The following UBE2QL1 variants were observed in gnomAD, a reference collection of about 807,000 sequenced individuals.
The protein encoded by UBE2QL1 is ubiquitin-conjugating enzyme E2Q-like protein 1.
Under a neutral mutation model 12.6 loss-of-function variants are expected in UBE2QL1, and 5 were observed. That is an observed-to-expected ratio of 0.40 (90% CI 0.21 to 0.83). The LOEUF (loss-of-function observed/expected upper bound fraction) is 0.83, where lower values mean the gene tolerates loss of function less well. Among genes scored for constraint, UBE2QL1 ranks in the 40% least tolerant of loss-of-function variants. UBE2QL1 has a pLI of 0.37. For synonymous variants in UBE2QL1, 96 were observed against 94.5 expected (o/e 1.02, Z -0.10); for missense variants, 99 against 222.6 (o/e 0.44, Z 3.53).
intron 1 of UBE2QL1, among the ~76,000 whole-genome samples, chr5:6,464,789 G>C (rs907526400): frequency 5.9e-5 from 9 of 152,172 alleles, no homozygotes; most frequent in Admixed American, 5.2e-4. Flanking sequence ...TTTGGACTTA[G>C]AGTGCAGCTA....
chr5:6,450,686 T>C (rs1222817505), intron 1 of UBE2QL1, among the ~76,000 whole-genome samples: 3 of 152,180 alleles, frequency 2.0e-5, no homozygotes, highest in Non-Finnish European at 2.9e-5. Context: ...ACCCCTGGGA[T>C]TCCAAACAAA....
intron 1 of UBE2QL1, among the ~76,000 whole-genome samples, chr5:6,487,900 C>T (rs950446405): frequency 2.0e-5 from 3 of 152,130 alleles, no homozygotes; most frequent in African/African-American, 7.2e-5. Context: ...GTGCAGTGGG[C>T]ACAGCAAGGG....
At chr5:6,457,139 T>C (rs1392540755) in intron 1 of UBE2QL1, among the ~76,000 whole-genome samples, 2 of 151,734 alleles carry the variant, frequency 1.3e-5, no homozygotes, top group African/African-American at 4.8e-5. Context: ...GAAATAGAGC[T>C]CAAGTTTCCC....
intron 1 of UBE2QL1, among the ~76,000 whole-genome samples, chr5:6,466,276 C>T (rs1189554375): frequency 6.6e-6 from 1 of 152,244 alleles, no homozygotes; most frequent in South Asian, 2.1e-4. Context: ...GCGAACTGCT[C>T]AGCACTCAGG....
chr5:6,464,190 A>G (rs1483659766), intron 1 of UBE2QL1, among the ~76,000 whole-genome samples: 1 of 152,142 alleles, frequency 6.6e-6, no homozygotes, highest in Non-Finnish European at 1.5e-5. Context: ...GTAAACCAAG[A>G]CCTCAGTGAT....
At chr5:6,460,481 G>C (rs2126333249) in intron 1 of UBE2QL1, among the ~76,000 whole-genome samples, 1 of 152,300 alleles carries the variant, frequency 6.6e-6, no homozygotes, top group East Asian at 1.9e-4. Flanking sequence ...GTCCATGACT[G>C]TGTTTTTACA....
chr5:6,463,903 A>G (rs934045271), intron 1 of UBE2QL1, among the ~76,000 whole-genome samples: 4 of 152,156 alleles, frequency 2.6e-5, no homozygotes, highest in Admixed American at 2.6e-4. Flanking sequence ...CTGGGATTAC[A>G]GGCATGAGCC....
At chr5:6,465,118 C>T (rs978716633) in intron 1 of UBE2QL1, among the ~76,000 whole-genome samples, 2 of 151,880 alleles carry the variant, frequency 1.3e-5, no homozygotes, top group Non-Finnish European at 2.9e-5. Context: ...TCCCGAGTAT[C>T]TGGGACCACA....
intron 1 of UBE2QL1, among the ~76,000 whole-genome samples, chr5:6,454,526 G>A (rs1739476774): frequency 6.6e-6 from 1 of 152,168 alleles, no homozygotes; most frequent in Non-Finnish European, 1.5e-5. Flanking sequence ...GGTGAAGGGA[G>A]GAGAAACAAT....
chr5:6,490,289 C>T (rs1734543669), intron 1 of UBE2QL1, among the ~76,000 whole-genome samples: 7 of 152,258 alleles, frequency 4.6e-5, no homozygotes, highest in Admixed American at 4.6e-4. Flanking sequence ...TCCATCTGCT[C>T]CTCCCCTCTG....
chr5:6,477,392 G>A (rs1380647125), intron 1 of UBE2QL1, among the ~76,000 whole-genome samples: 1 of 151,420 alleles, frequency 6.6e-6, no homozygotes, highest in Admixed American at 6.5e-5. Flanking sequence ...GAGGACAGGT[G>A]TGCCCGGAGG....
intron 1 of UBE2QL1, among the ~76,000 whole-genome samples, chr5:6,468,448 A>C (rs115777531): frequency 0.036 from 5,535 of 152,300 alleles, 158 homozygotes; most frequent in South Asian, 0.11. Context: ...GGCAGTGCAG[A>C]CACTCAGGCG....
rs1400589062 is a variant in UBE2QL1, at chr5:6,495,178, T to C, written c.*3829T>C. 1.3e-5 allele frequency among the ~76,000 whole-genome samples: 2 copies of C among 152,122 alleles called. No individual in the cohort carries two copies. Among genetic ancestry groups the C allele is most frequent in the Admixed American group, 6.6e-5 (1 of 15,266 alleles). On this transcript the variant is annotated 3_prime_UTR_variant, in exon 2 of 2. Coordinates refer to ENST00000399816, the MANE Select transcript of UBE2QL1 (RefSeq NM_001145161.3). Reference sequence around the variant, plus strand: ...CCTGAACGGGAGAACTGGAGTCCCCTTGCCACCTCTCACCTGCAGAGTCCC... The same window carrying C: ...CCTGAACGGGAGAACTGGAGTCCCCCTGCCACCTCTCACCTGCAGAGTCCC...
rs1291414969 is a variant in UBE2QL1, at chr5:6,494,561, G to A, written c.*3212G>A. ...TTCCTCAGCTGTGAGCTCCTACCAG[G>A]TCAGTGTGGGAATTGGCCAAAATGA... On this transcript the variant is annotated 3_prime_UTR_variant, in exon 2 of 2. Coordinates refer to ENST00000399816, the MANE Select transcript of UBE2QL1 (RefSeq NM_001145161.3). 3 of 152,178 alleles carry A rather than the reference G, an allele frequency of 2.0e-5. No individual in the cohort carries two copies. Among genetic ancestry groups the A allele is most frequent in the Non-Finnish European group, 4.4e-5 (3 of 68,032 alleles). 9.4% of individuals were successfully genotyped at this position (152,178 alleles called of 1,614,324 possible).
intron 1 of UBE2QL1, among the ~76,000 whole-genome samples, chr5:6,490,910 C>T (rs911030301): frequency 6.6e-5 from 10 of 152,124 alleles, no homozygotes; most frequent in Non-Finnish European, 8.8e-5. Flanking sequence ...GGAACTGGGG[C>T]AGAGATTTCT....
chr5:6,457,383 C>T (rs1299261972), intron 1 of UBE2QL1, among the ~76,000 whole-genome samples: 1 of 152,102 alleles, frequency 6.6e-6, no homozygotes, highest in Non-Finnish European at 1.5e-5. Context: ...GGAAGCTCGG[C>T]ATTGTTTAGA....
Position 6,449,253 on chromosome 5 carries a change from G to A in UBE2QL1, c.354+6G>A. 7.2e-7 allele frequency: 1 copy of A among 1,389,098 alleles called. No homozygotes were observed. The highest frequency in any genetic ancestry group is 9.3e-7 in the Non-Finnish European group (1 of 1,071,196). The allele number at this position is 1,389,098 out of a possible 1,614,324, so 86.0% of individuals were successfully genotyped here. On this transcript the variant is annotated splice_donor_region_variant and intron_variant, in intron 1 of 1. Transcript: ENST00000399816. ...CCAGCCTGGTCAAGGGCCAGGTAAG[G>A]CGAGCGCGCCGGGGCTGGGGGCGCG...
At chr5:6,464,130 T>G (rs1310538645) in intron 1 of UBE2QL1, among the ~76,000 whole-genome samples, 1 of 152,102 alleles carries the variant, frequency 6.6e-6, no homozygotes, top group African/African-American at 2.4e-5. Context: ...ATATTGAGAA[T>G]TACGTAATTA....
At chr5:6,488,687 C>T (rs2126374490) in intron 1 of UBE2QL1, among the ~76,000 whole-genome samples, 1 of 151,964 alleles carries the variant, frequency 6.6e-6, no homozygotes, top group East Asian at 1.9e-4. Context: ...GTAGCACCAA[C>T]TACCTGGGAG....
Sources: allele counts gnomAD v4.1 joint callset (sites outside exome capture counted in the v4.1 genomes callset), GRCh38; gene constraint gnomAD v4.1.1; transcripts MANE v1.5; gene names NCBI Gene and HGNC (gene_info 2026-07-23, HGNC 2026-07-21).